SEMA4D: variants seen among roughly 807,000 people sequenced by gnomAD.
SEMA4D encodes the protein semaphorin-4D.
A neutral mutation model predicts 74.8 loss-of-function variants in SEMA4D; 22 were observed. The ratio of observed to expected loss-of-function variants is 0.29; its 90% CI spans 0.21 to 0.42. SEMA4D has a LOEUF of 0.42. Among genes scored for constraint, SEMA4D ranks in the 10% least tolerant of loss-of-function variants. The probability of loss-of-function intolerance (pLI) is 1.00; values close to 1 mark genes in which losing one functional copy is unlikely to be tolerated. For missense variants in SEMA4D, 937 were observed against 1,118.4 expected, an observed-to-expected ratio of 0.84 and a Z score of 2.31; for synonymous variants, 445 against 463.7, an observed-to-expected ratio of 0.96 and a Z score of 0.52.
intron 1 of SEMA4D, among the ~76,000 whole-genome samples, chr9:89,480,281 T>C (rs1824457401): frequency 6.6e-6 from 1 of 152,150 alleles, no homozygotes; most frequent in Non-Finnish European, 1.5e-5. Context: ...TGCTGATTGG[T>C]GTATTTACAA....
intron 2 of SEMA4D, among the ~76,000 whole-genome samples, chr9:89,417,755 G>A (rs759811567): frequency 5.3e-5 from 8 of 152,232 alleles, no homozygotes; most frequent in East Asian, 1.9e-4. Context: ...GCCATCAGCC[G>A]CGGAGCTGCC....
At chr9:89,371,913 TGTGTGGG>T (rs1834982495) in intron 16 of SEMA4D, among the ~76,000 whole-genome samples, 2 of 125,464 alleles carry the variant, frequency 1.6e-5, no homozygotes, top group African/African-American at 6.3e-5. Flanking sequence ...ATGTGTGTGG[TGTGTGGG>T]GTGTGGTGTG....
At chr9:89,371,906 TGTGTG>T (rs1834977255) in intron 16 of SEMA4D, among the ~76,000 whole-genome samples, 1 of 40,536 alleles carries the variant, frequency 2.5e-5, no homozygotes, top group Non-Finnish European at 5.2e-5. Flanking sequence ...GTGTGGTATG[TGTGTG>T]GTGTGTGGGG....
At position 89,388,744 on chromosome 9, in the gene SEMA4D, G is replaced by A. The variant is rs752189371; in HGVS notation, c.999C>T (p.Ala333=). Residue 333 remains alanine, a synonymous_variant, in exon 11 of 16, where the codon GCC becomes GCT. Coordinates refer to ENST00000422704, the MANE Select transcript of SEMA4D (RefSeq NM_001371194.2). ...SAVCAYNLST[A]EEVFSHGKYM... ...ACTTCCCGTGGGAGAAGACCTCCTC[G>A]GCTGTGGACAGGTTGTAGGCGCACA... is the stretch of plus-strand genomic sequence containing the variant. 4.3e-6 allele frequency: 7 copies of A among 1,610,838 alleles called. No homozygotes were observed. The highest frequency in any genetic ancestry group is 4.0e-5 in the African/African-American group (3 of 74,872).
At chr9:89,392,734 T>G (rs1006420722) in intron 7 of SEMA4D, among the ~76,000 whole-genome samples, 198 bp from the exon 8 acceptor site, 1 of 152,118 alleles carries the variant, frequency 6.6e-6, no homozygotes. Context: ...TGAGGTTTTT[T>G]TGTTTTGTTT....
At chr9:89,364,138 G>A in intron 16 of SEMA4D, 6 of 1,240,404 alleles carry the variant, frequency 4.8e-6, no homozygotes, top group Non-Finnish European at 6.6e-6. Context: ...CCTTGGCCTT[G>A]GCCCGTCCTG....
chr9:89,402,790 C>T lies in SEMA4D; in HGVS notation c.252+81G>A. On this transcript the variant is annotated intron_variant, in intron 4 of 15. Transcript: ENST00000422704. ...AGAATGGAGGCTCCAGGTAAGTCAGCCCCCAGCCCCACAGTGGGGCCAGGA... is the reference window on the plus strand; with the variant it reads ...AGAATGGAGGCTCCAGGTAAGTCAGTCCCCAGCCCCACAGTGGGGCCAGGA... 4 of 1,499,408 alleles carry T rather than the reference C, an allele frequency of 2.7e-6. No homozygotes were observed. In the South Asian group the frequency reaches 3.6e-5, roughly 13 times the overall value. The allele number at this position is 1,499,408 out of a possible 1,614,324, so 92.9% of individuals were successfully genotyped here.
chr9:89,388,541 T>G (rs1588227120), intron 11 of SEMA4D, 95 bp downstream of exon 11: 1 of 1,447,942 alleles, frequency 6.9e-7, no homozygotes, highest in Non-Finnish European at 9.2e-7. Context: ...CGTGGCCAGG[T>G]ACCCAGCCCA....
chr9:89,495,387 C>G (rs1825929434), intron 1 of SEMA4D, among the ~76,000 whole-genome samples: 1 of 152,188 alleles, frequency 6.6e-6, no homozygotes, highest in Non-Finnish European at 1.5e-5. Flanking sequence ...GGCACACCCT[C>G]TCCACCTGAC....
intron 2 of SEMA4D, among the ~76,000 whole-genome samples, chr9:89,438,697 GCT>G (rs1261963543): frequency 6.6e-6 from 1 of 151,684 alleles, no homozygotes; most frequent in Non-Finnish European, 1.5e-5. Flanking sequence ...ACGGAGTCTC[GCT>G]CTGTCGCCCA....
intron 2 of SEMA4D, among the ~76,000 whole-genome samples, chr9:89,417,286 A>G (rs921640119): frequency 6.6e-5 from 10 of 152,222 alleles, no homozygotes; most frequent in Non-Finnish European, 1.0e-4. Context: ...TCCCACCCCA[A>G]TGGACCAGAT....
intron 16 of SEMA4D, among the ~76,000 whole-genome samples, chr9:89,371,423 CT>C (rs2132448539): frequency 3.6e-5 from 1 of 27,964 alleles, no homozygotes; most frequent in Non-Finnish European, 6.5e-5. Context: ...TGGTGTGTGT[CT>C]GGGGTGTGTG....
intron 1 of SEMA4D, among the ~76,000 whole-genome samples, chr9:89,481,209 C>A (rs1270065750): frequency 2.0e-5 from 3 of 152,218 alleles, no homozygotes; most frequent in Admixed American, 2.0e-4. Flanking sequence ...GACGTGCCCA[C>A]CTGGCCTTGG....
chr9:89,387,602 C>G lies in SEMA4D; in HGVS notation c.1114G>C (p.Asp372His). 4 of 1,613,906 alleles carry G rather than the reference C, an allele frequency of 2.5e-6. No homozygotes were observed. The highest frequency in any genetic ancestry group is 2.2e-5 in the South Asian group (2 of 91,052). The change falls in exon 12 of 16, where the codon GAC becomes CAC. Residue 372 changes from aspartate to histidine, a missense_variant. By Grantham distance (81) the Asp-to-His change is moderately conservative. Coordinates refer to ENST00000422704, the MANE Select transcript of SEMA4D (RefSeq NM_001371194.2). ...VPKPRPGACI[D>H]SEARAANYTS... The stretch of plus-strand genomic sequence containing the variant: ...TAGTTGGCGGCCCGTGCCTCGCTGT[C>G]GATGCACTGCAGGGAGAAAATCCCC...
At chr9:89,365,010 C>T (rs897073702) in intron 16 of SEMA4D, 1 of 152,302 alleles carries the variant, frequency 6.6e-6, no homozygotes, top group Non-Finnish European at 1.5e-5. Flanking sequence ...CTTCCTTGCT[C>T]GTGAAGTCTG....
chr9:89,457,493 T>C (rs1280944502), intron 1 of SEMA4D, among the ~76,000 whole-genome samples: 1 of 152,116 alleles, frequency 6.6e-6, no homozygotes, highest in Non-Finnish European at 1.5e-5. Flanking sequence ...TCCCAGCACT[T>C]TGGGAGGCCG....
chr9:89,410,562 G>T (rs1227117592), intron 2 of SEMA4D, among the ~76,000 whole-genome samples: 1 of 152,148 alleles, frequency 6.6e-6, no homozygotes, highest in Non-Finnish European at 1.5e-5. Flanking sequence ...AGTTACACAC[G>T]TAGCAGAGAT....
At chr9:89,440,500 T>TACCCTCC (rs11281047) in intron 2 of SEMA4D, among the ~76,000 whole-genome samples, 31,346 of 151,652 alleles carry the variant, frequency 0.21, 3,423 homozygotes, top group Non-Finnish European at 0.25. Flanking sequence ...CCCTGAGCCC[T>TACCCTCC]ACCCTCCGCT....
chr9:89,441,785 C>G (rs1183162440), intron 2 of SEMA4D, among the ~76,000 whole-genome samples: 1 of 152,194 alleles, frequency 6.6e-6, no homozygotes, highest in South Asian at 2.1e-4. Flanking sequence ...CCTAACCCCC[C>G]TCCCACACTC....
Sources: allele counts gnomAD v4.1 joint callset (sites outside exome capture counted in the v4.1 genomes callset), GRCh38; gene constraint gnomAD v4.1.1; transcripts MANE v1.5; gene names NCBI Gene and HGNC (gene_info 2026-07-23, HGNC 2026-07-21).